The following DLG5 variants were observed in gnomAD, a reference collection of about 807,000 sequenced individuals.
The protein encoded by DLG5 is discs large MAGUK scaffold protein 5.
Under a neutral mutation model 189.8 loss-of-function variants are expected in DLG5, and 48 were observed. That is an observed-to-expected ratio of 0.25 (90% CI 0.20 to 0.32). DLG5 has a LOEUF of 0.32. Ranked by LOEUF, DLG5 falls within the 10% of genes least tolerant of loss-of-function variation. The probability of loss-of-function intolerance (pLI) is 1.00; values close to 1 mark genes in which losing one functional copy is unlikely to be tolerated. For synonymous variants in DLG5, 1,016 were observed against 1,054.1 expected, an observed-to-expected ratio of 0.96 and a Z score of 0.70; for missense variants, 2,160 against 2,544.7, an observed-to-expected ratio of 0.85 and a Z score of 3.25.
In DLG5 at chr10:77,926,579, G is replaced by C; in HGVS notation, c.-59C>G. On this transcript the variant is annotated 5_prime_UTR_variant, in exon 1 of 32. Coordinates refer to ENST00000372391, the MANE Select transcript of DLG5 (RefSeq NM_004747.4). The surrounding 1 kb of genome is among the most constrained non-coding windows in gnomAD (Gnocchi z 5.2). ...GCCTCCCGGGCCCCCCGAGGCCGGC[G>C]GGCGGGCAGGCGAGCACCTCGGCAG... 8.5e-7 allele frequency: 1 copy of C among 1,182,440 alleles called. No homozygotes were observed. The highest frequency in any genetic ancestry group is 1.0e-6 in the Non-Finnish European group (1 of 955,518). The allele number at this position is 1,182,440 out of a possible 1,614,324, so 73.2% of individuals were successfully genotyped here.
chr10:77,900,337 C>A (rs1845886584), intron 1 of DLG5, among the ~76,000 whole-genome samples: 1 of 152,180 alleles, frequency 6.6e-6, no homozygotes, highest in South Asian at 2.1e-4. Context: ...ACCTGGCACA[C>A]CTGGCTGTGT....
At chr10:77,908,335 A>C (rs575906293) in intron 1 of DLG5, among the ~76,000 whole-genome samples, 7 of 152,248 alleles carry the variant, frequency 4.6e-5, no homozygotes, top group African/African-American at 1.7e-4. Flanking sequence ...CAGCCAGTCT[A>C]CATCCTCACC....
the DLG5 span, among the ~76,000 whole-genome samples, chr10:77,940,082 A>G: frequency 6.6e-6 from 1 of 152,228 alleles, no homozygotes; most frequent in South Asian, 2.1e-4. Flanking sequence ...AATGCCCAGA[A>G]CTTGACCAAC....
rs1300672137 is a variant in DLG5 at position 77,805,736 on chromosome 10, C to T, written c.5093G>A (p.Ser1698Asn). 6.2e-7 allele frequency: 1 copy of T among 1,614,154 alleles called. No individual in the cohort carries two copies. Among genetic ancestry groups the T allele is most frequent in the Non-Finnish European group, 8.5e-7 (1 of 1,180,040 alleles). ...FFRRKHKHKRSGSKDGKDLLA... is the reference protein window; with the variant it reads ...FFRRKHKHKRNGSKDGKDLLA... ...CAGGTCTTTCCCGTCCTTGGACCCG[C>T]TGCGTTTGTGCTTGTGTTTCCTCCG... The change falls in exon 27 of 32, where the codon AGC becomes AAC. Residue 1698 changes from serine to asparagine, a missense_variant. By Grantham distance (46) the Ser-to-Asn change is conservative (BLOSUM62 1). Around this residue, in one of 5 missense-constraint regions of DLG5, gnomAD observed 574 missense variants for 644.2 expected, o/e 0.89. Transcript: ENST00000372391.
At chr10:77,940,633 G>A in the DLG5 span, among the ~76,000 whole-genome samples, 1 of 151,992 alleles carries the variant, frequency 6.6e-6, no homozygotes, top group Non-Finnish European at 1.5e-5. Flanking sequence ...TTTTTCAGGG[G>A]AGGACCCTGA....
intron 29 of DLG5, among the ~76,000 whole-genome samples, chr10:77,795,508 G>A (rs982880248): frequency 3.9e-5 from 6 of 152,066 alleles, no homozygotes; most frequent in African/African-American, 7.2e-5. Flanking sequence ...AAAGCCCAGC[G>A]AGCGAGCTGA....
chr10:77,844,495 G>A (rs763567095), intron 5 of DLG5, among the ~76,000 whole-genome samples: 8 of 152,080 alleles, frequency 5.3e-5, no homozygotes, highest in East Asian at 1.9e-4. Context: ...TATGTAAATC[G>A]GACCTAAAGA....
intron 1 of DLG5, among the ~76,000 whole-genome samples, chr10:77,884,298 T>G (rs1845372140): frequency 6.6e-6 from 1 of 152,216 alleles, no homozygotes; most frequent in Non-Finnish European, 1.5e-5. Flanking sequence ...ATTGGCCCTG[T>G]TTCTCCATCT....
At chr10:77,802,933 T>C (rs1423772489) in intron 27 of DLG5, among the ~76,000 whole-genome samples, 3 of 152,094 alleles carry the variant, frequency 2.0e-5, no homozygotes, top group African/African-American at 7.2e-5. Context: ...AAAATGCGAA[T>C]AGTATCAAAG....
At chr10:77,804,789 T>C (rs1329268828) in intron 27 of DLG5, among the ~76,000 whole-genome samples, 1 of 152,104 alleles carries the variant, frequency 6.6e-6, no homozygotes, top group Non-Finnish European at 1.5e-5. Context: ...AATGCCGAAG[T>C]TCTGCAGAAA....
intron 19 of DLG5, 125 bp from the exon 20 acceptor site, chr10:77,816,826 CAGATGCT>C: frequency 7.0e-7 from 1 of 1,428,678 alleles, no homozygotes; most frequent in Non-Finnish European, 9.5e-7. Flanking sequence ...GTCTGGAGCT[CAGATGCT>C]AGGCTCTGCA....
chr10:77,927,050 CG>C (rs1351149111), upstream of DLG5: 1 of 227,072 alleles, frequency 4.4e-6, no homozygotes, highest in Non-Finnish European at 8.7e-6. Flanking sequence ...CCCGGCTCAC[CG>C]GGGCCCCGCG....
At chr10:77,882,642 T>C (rs1845315430) in intron 1 of DLG5, among the ~76,000 whole-genome samples, 1 of 152,114 alleles carries the variant, frequency 6.6e-6, no homozygotes, top group Non-Finnish European at 1.5e-5. Context: ...CCAGGTGCAG[T>C]GGCTCACGCC....
intron 1 of DLG5, among the ~76,000 whole-genome samples, chr10:77,888,396 C>G (rs1360437196): frequency 6.6e-6 from 1 of 152,118 alleles, no homozygotes; most frequent in African/African-American, 2.4e-5. Context: ...CTCGGGTGAC[C>G]TACAAGGTCC....
chr10:77,841,539 T>C (rs1843415528), intron 7 of DLG5, among the ~76,000 whole-genome samples: 1 of 152,340 alleles, frequency 6.6e-6, no homozygotes. Context: ...GTATCTTGCT[T>C]CATAATAAGC....
rs74715354 is a variant in DLG5 at position 77,841,789 on chromosome 10, G to A, written c.1437+92C>T. 1.1e-4 allele frequency: 161 copies of A among 1,437,578 alleles called. No homozygotes were observed. The African/African-American group carries it at 1.9e-3, about 17-fold the overall frequency. 89.1% of individuals were successfully genotyped at this position (1,437,578 alleles called of 1,614,324 possible). A position where few individuals can be genotyped will look rare whatever the true frequency, so the allele number is the denominator to read the frequency against. ...AGAAGCCATTTACTCCAACTCAGGA[G>A]GCTTCTAATCCGGACACCACGCACT... On this transcript the variant is annotated intron_variant, in intron 7 of 31. Coordinates refer to ENST00000372391, the MANE Select transcript of DLG5 (RefSeq NM_004747.4).
intron 9 of DLG5, among the ~76,000 whole-genome samples, chr10:77,832,973 G>A (rs1310107650): frequency 6.6e-6 from 1 of 152,120 alleles, no homozygotes; most frequent in Non-Finnish European, 1.5e-5. Flanking sequence ...TGGGAAAGAA[G>A]AGAAGCTGTC....
At chr10:77,835,538 A>G (rs938593146) in intron 8 of DLG5, among the ~76,000 whole-genome samples, 200 bp downstream of exon 8, 1 of 152,214 alleles carries the variant, frequency 6.6e-6, no homozygotes, top group African/African-American at 2.4e-5. Context: ...GCTGAGTGAG[A>G]TGGGAGGGAG....
intron 1 of DLG5, among the ~76,000 whole-genome samples, chr10:77,900,394 C>G (rs965247277): frequency 6.6e-6 from 1 of 152,188 alleles, no homozygotes; most frequent in Non-Finnish European, 1.5e-5. Context: ...CTGCCTGGAA[C>G]GCACCTACCT....
Sources: gnomAD v4.1 joint callset for allele counts (sites outside exome capture counted in the v4.1 genomes callset) on GRCh38, gnomAD v4.1.1 for gene constraint, gnomAD v4.1.1 regional missense constraint, Gnocchi (gnomAD v3.1) non-coding constraint, MANE v1.5 for transcripts, NCBI Gene and HGNC (gene_info 2026-07-23, HGNC 2026-07-21) for gene names.